The following TASP1 variants were observed in gnomAD, a reference collection of about 807,000 sequenced individuals.
TASP1 encodes taspase 1.
TASP1 carries 16 observed loss-of-function variants against 56.6 expected under a neutral mutation model. That is an observed-to-expected ratio of 0.28 (90% CI 0.19 to 0.43). The LOEUF (loss-of-function observed/expected upper bound fraction) is 0.43. TASP1 is among the 20% of genes least tolerant of loss of function. TASP1 has a pLI of 1.00. For missense variants in TASP1, 393 were observed against 511.6 expected, an observed-to-expected ratio of 0.77 and a Z score of 2.24; for synonymous variants, 179 against 184.2, an observed-to-expected ratio of 0.97 and a Z score of 0.23.
At chr20:13,115,173 T>G in the TASP1 span, among the ~76,000 whole-genome samples, 1 of 152,202 alleles carries the variant, frequency 6.6e-6, no homozygotes, top group Non-Finnish European at 1.5e-5. Context: ...ATAACATAGA[T>G]AGCCTTTTTA....
At chr20:13,261,848 C>G in the TASP1 span, among the ~76,000 whole-genome samples, 1 of 152,218 alleles carries the variant, frequency 6.6e-6, no homozygotes, top group South Asian at 2.1e-4. Context: ...CTTCTGAACT[C>G]TGCCATCCAT....
chr20:13,559,188 T>C, intron 7 of TASP1, 74 bp from the exon 8 acceptor site: 1 of 915,928 alleles, frequency 1.1e-6, no homozygotes, highest in Non-Finnish European at 1.5e-6. Flanking sequence ...ATAAGATATC[T>C]GAAGAGCCTT....
At chr20:13,274,512 G>A in the TASP1 span, among the ~76,000 whole-genome samples, 1 of 152,154 alleles carries the variant, frequency 6.6e-6, no homozygotes, top group African/African-American at 2.4e-5. Context: ...GGAGCTGAAT[G>A]GGAACTTGAT....
chr20:13,576,593 G>A (rs2046937330), intron 6 of TASP1, among the ~76,000 whole-genome samples: 1 of 152,038 alleles, frequency 6.6e-6, no homozygotes, highest in East Asian at 1.9e-4. Context: ...AATAAAAGCT[G>A]TGCAAGATCT....
At position 13,426,539 on chromosome 20, in the gene TASP1, C is replaced by A. The variant is rs151021073; in HGVS notation, c.1096+8505G>T. On this transcript the variant is annotated intron_variant, in intron 12 of 13. Coordinates refer to ENST00000337743, the MANE Select transcript of TASP1 (RefSeq NM_017714.3). ...CAATATTCAGAGTATATTAGTGATA[C>A]AATATATAGAGATATGTTCATGATT... 1.1e-3 allele frequency among the ~76,000 whole-genome samples: 173 copies of A among 151,568 alleles called. 1 individual carries two copies. The highest frequency in any genetic ancestry group is 3.5e-3 in the Middle Eastern group (1 of 288).
chr20:13,222,074 A>G, the TASP1 span, among the ~76,000 whole-genome samples: 2 of 152,288 alleles, frequency 1.3e-5, no homozygotes, highest in East Asian at 3.9e-4. Context: ...TGACTTAGGC[A>G]GAGGCGGAGC....
chr20:13,297,168 C>A, the TASP1 span, among the ~76,000 whole-genome samples: 1 of 152,174 alleles, frequency 6.6e-6, no homozygotes, highest in African/African-American at 2.4e-5. Context: ...TTTCTAAGTC[C>A]TATGGGGAAA....
the TASP1 span, among the ~76,000 whole-genome samples, chr20:13,328,640 G>C: frequency 6.6e-6 from 1 of 152,194 alleles, no homozygotes. Context: ...AAAGGAATGA[G>C]ATCGTGCCTT....
At chr20:13,128,360 G>A in the TASP1 span, among the ~76,000 whole-genome samples, 1 of 152,154 alleles carries the variant, frequency 6.6e-6, no homozygotes, top group Non-Finnish European at 1.5e-5. Context: ...AGATCTCAGT[G>A]GCTTAACAGA....
At chr20:13,227,569 C>T in the TASP1 span, among the ~76,000 whole-genome samples, 3 of 146,620 alleles carry the variant, frequency 2.0e-5, no homozygotes, top group East Asian at 2.1e-4. Flanking sequence ...AGTGCAGTGG[C>T]GCGATCTTGG....
chr20:13,508,129 G>A (rs888818771), intron 10 of TASP1, among the ~76,000 whole-genome samples: 2 of 141,428 alleles, frequency 1.4e-5, no homozygotes, highest in Non-Finnish European at 3.0e-5. Flanking sequence ...TAAAACTAAA[G>A]GAGTAAAACT....
chr20:13,470,830 T>G (rs2044462252), intron 11 of TASP1, among the ~76,000 whole-genome samples: 1 of 152,114 alleles, frequency 6.6e-6, no homozygotes, highest in African/African-American at 2.4e-5. Context: ...AACTTCAGAG[T>G]TGACTTGTAC....
chr20:13,529,817 T>C (rs180917117), intron 9 of TASP1, among the ~76,000 whole-genome samples: 44 of 152,306 alleles, frequency 2.9e-4, no homozygotes, highest in Admixed American at 6.5e-4. Context: ...GTTATTTTTT[T>C]ACAAGGATCT....
At chr20:13,236,496 C>A in the TASP1 span, among the ~76,000 whole-genome samples, 1 of 152,102 alleles carries the variant, frequency 6.6e-6, no homozygotes, top group Non-Finnish European at 1.5e-5. Flanking sequence ...AATTTCATGT[C>A]CTAACATTTC....
chr20:13,630,565 C>G (rs1441274007), intron 1 of TASP1, among the ~76,000 whole-genome samples: 1 of 151,588 alleles, frequency 6.6e-6, no homozygotes, highest in African/African-American at 2.4e-5. Context: ...TGGCACACAC[C>G]TGTAATCCCA....
At chr20:13,169,815 A>G in the TASP1 span, among the ~76,000 whole-genome samples, 1 of 151,998 alleles carries the variant, frequency 6.6e-6, no homozygotes, top group Non-Finnish European at 1.5e-5. Context: ...TCCCCAACCC[A>G]TTTCACTCCC....
At chr20:13,383,234 T>C in the TASP1 span, among the ~76,000 whole-genome samples, 1 of 152,302 alleles carries the variant, frequency 6.6e-6, no homozygotes, top group East Asian at 1.9e-4. Flanking sequence ...CACAGGTGAC[T>C]GTCAGGACAA....
At chr20:13,450,219 G>A (rs1337819924) in intron 11 of TASP1, among the ~76,000 whole-genome samples, 1 of 152,082 alleles carries the variant, frequency 6.6e-6, no homozygotes, top group East Asian at 1.9e-4. Context: ...ACTTAGATGA[G>A]TCATATCCTT....
At chr20:13,629,497 T>A (rs901005895) in intron 2 of TASP1, among the ~76,000 whole-genome samples, 5 of 151,708 alleles carry the variant, frequency 3.3e-5, no homozygotes, top group East Asian at 1.9e-4. Flanking sequence ...ATTGAGATGG[T>A]GTCTCGGTTT....
Sources: gnomAD v4.1 joint callset for allele counts (sites outside exome capture counted in the v4.1 genomes callset) on GRCh38, gnomAD v4.1.1 for gene constraint, MANE v1.5 for transcripts, NCBI Gene and HGNC (gene_info 2026-07-23, HGNC 2026-07-21) for gene names.